The following NSF variants were observed in gnomAD, a reference collection of about 807,000 sequenced individuals.
NSF encodes the protein vesicle-fusing ATPase.
In NSF, 14 loss-of-function variants were observed where a neutral mutation model predicts 50.3. That is an observed-to-expected ratio of 0.28 (90% CI 0.18 to 0.44). The LOEUF (loss-of-function observed/expected upper bound fraction) is 0.44, where lower values mean the gene tolerates loss of function less well. Ranked by LOEUF, NSF falls within the 20% of genes least tolerant of loss-of-function variation. The pLI, the probability that NSF is intolerant of heterozygous loss-of-function variation, is 1.00. For missense variants in NSF, 218 were observed against 504.3 expected, an observed-to-expected ratio of 0.43 and a Z score of 5.44; for synonymous variants, 109 against 175.7, an observed-to-expected ratio of 0.62 and a Z score of 3.00.
intron 13 of NSF, 43 bp downstream of exon 13, chr17:46,704,897 A>G (rs1219442055): frequency 6.4e-7 from 1 of 1,566,412 alleles, no homozygotes; most frequent in South Asian, 1.2e-5. Flanking sequence ...AAAAGTAATG[A>G]TAATAATAAC....
At chr17:46,744,315 A>T (rs903750272) in intron 17 of NSF, among the ~76,000 whole-genome samples, 3 of 152,246 alleles carry the variant, frequency 2.0e-5, no homozygotes, top group Non-Finnish European at 4.4e-5. Context: ...AATGCTTAAT[A>T]TTCTGAAATA....
At chr17:46,721,185 G>A (rs79314128) in intron 15 of NSF, among the ~76,000 whole-genome samples, 2,922 of 152,266 alleles carry the variant, frequency 0.019, 60 homozygotes, top group Non-Finnish European at 0.032. Flanking sequence ...CCACACTCTG[G>A]GTTGTCTCTC....
chr17:46,720,957 A>T (rs1304832030), intron 15 of NSF, among the ~76,000 whole-genome samples: 1 of 151,904 alleles, frequency 6.6e-6, no homozygotes. Context: ...ACTTGTGTAG[A>T]CTCTGGAGCC....
chr17:46,733,796 G>T (rs1327203586), intron 17 of NSF, among the ~76,000 whole-genome samples: 1 of 152,168 alleles, frequency 6.6e-6, no homozygotes, highest in Non-Finnish European at 1.5e-5. Flanking sequence ...CCACTCCAAC[G>T]TCATAGCAGT....
intron 19 of NSF, among the ~76,000 whole-genome samples, chr17:46,752,732 A>G (rs2059193375): frequency 6.6e-6 from 1 of 152,128 alleles, no homozygotes; most frequent in Admixed American, 6.5e-5. Flanking sequence ...CTGGGATTAC[A>G]GGCATGCACC....
At chr17:46,749,560 G>A (rs2059162257) in intron 17 of NSF, among the ~76,000 whole-genome samples, 5 of 152,144 alleles carry the variant, frequency 3.3e-5, no homozygotes, top group Admixed American at 2.6e-4. Context: ...GAATGAGAAG[G>A]AGCTGTTCAC....
At chr17:46,717,245 C>T (rs1334034291) in intron 15 of NSF, among the ~76,000 whole-genome samples, 1 of 152,116 alleles carries the variant, frequency 6.6e-6, no homozygotes, top group Non-Finnish European at 1.5e-5. Flanking sequence ...AAGCCAGGCA[C>T]AGAAAGTCAA....
chr17:46,738,987 G>T (rs1282829902), intron 17 of NSF, among the ~76,000 whole-genome samples: 1 of 151,826 alleles, frequency 6.6e-6, no homozygotes, highest in Non-Finnish European at 1.5e-5. Flanking sequence ...CGTAATCCCA[G>T]CACTTTGGGA....
chr17:46,711,089 C>T lies in NSF; in HGVS notation c.1597C>T (p.Arg533Cys), dbSNP rs368386595. ...GGTGCAGCAGACTAAGAACAGTGAC[C>T]GCACACCATTGGTCAGCGTGCTTCT... ...LLVQQTKNSD[R>C]TPLVSVLLEG... Residue 533 changes from arginine to cysteine, a missense_variant, in exon 14 of 21, where the codon CGC (arginine) becomes TGC (cysteine). Physicochemically the swap from Arg to Cys is radical, Grantham distance 180. This residue lies in a region of NSF where 209 missense variants were observed against 320.9 expected (regional missense o/e 0.65). Transcript: ENST00000398238. 1 of 1,560,304 alleles carries T rather than the reference C, an allele frequency of 6.4e-7. No individual in the cohort carries two copies. Among genetic ancestry groups the T allele is most frequent in the Non-Finnish European group, 8.6e-7 (1 of 1,160,440 alleles).
intron 18 of NSF, among the ~76,000 whole-genome samples, chr17:46,750,777 A>G (rs566882758): frequency 1.1e-4 from 17 of 152,160 alleles, no homozygotes; most frequent in African/African-American, 3.1e-4. Flanking sequence ...TTAACCATTC[A>G]TAGTGGCTTT....
chr17:46,725,443 T>G (rs1304465872), intron 15 of NSF, among the ~76,000 whole-genome samples: 1 of 152,162 alleles, frequency 6.6e-6, no homozygotes, highest in East Asian at 1.9e-4. Flanking sequence ...ATTAAATATC[T>G]GGAGAAATTG....
At chr17:46,750,653 A>G (rs1287888118) in intron 18 of NSF, among the ~76,000 whole-genome samples, 2 of 152,206 alleles carry the variant, frequency 1.3e-5, no homozygotes, top group Non-Finnish European at 2.9e-5. Context: ...GGCAGCTACA[A>G]ACTGCCAGGA....
At position 46,755,369 on chromosome 17, in the gene NSF, CGTAAG is replaced by C; in HGVS notation, c.2213+1_2213+5del. 1 of 1,611,580 alleles carries C rather than the reference CGTAAG, an allele frequency of 6.2e-7. No homozygotes were observed. Among genetic ancestry groups the C allele is most frequent in the East Asian group, 2.2e-5 (1 of 44,874 alleles). ...TTGGCCCTCTTAAGAGAAGAAGGAG[CGTAAG>C]TACATACAACATTTAATGACCATCA... On this transcript the variant is annotated splice_donor_variant and splice_donor_5th_base_variant and intron_variant, in intron 20 of 20. Transcript: ENST00000398238. LOFTEE classifies it high-confidence loss of function.
At chr17:46,710,851 A>T in intron 13 of NSF, 112 bp from the exon 14 acceptor site, 1 of 883,046 alleles carries the variant, frequency 1.1e-6, no homozygotes, top group Non-Finnish European at 1.6e-6. Context: ...TTTTTATATT[A>T]ATATGGGATA....
At chr17:46,697,990 C>CTAGAGGAGATT (rs2058612935) in intron 12 of NSF, among the ~76,000 whole-genome samples, 1 of 57,210 alleles carries the variant, frequency 1.7e-5, no homozygotes, top group Non-Finnish European at 3.4e-5. Flanking sequence ...CATGCCCGGC[C>CTAGAGGAGATT]ATGCTATACT....
intron 1 of NSF, among the ~76,000 whole-genome samples, chr17:46,601,718 T>A (rs1447507037): frequency 2.0e-5 from 3 of 149,550 alleles, no homozygotes; most frequent in Non-Finnish European, 2.9e-5. Context: ...GTTTCATAAT[T>A]CTTTTTGTCC....
chr17:46,749,705 C>A, intron 17 of NSF, 68 bp from the exon 18 acceptor site: 1 of 1,411,198 alleles, frequency 7.1e-7, no homozygotes, highest in South Asian at 1.6e-5. Flanking sequence ...AAATTGTGTT[C>A]AAGCTTACTG....
At chr17:46,750,151 G>A (rs1348313658) in intron 18 of NSF, among the ~76,000 whole-genome samples, 3 of 152,144 alleles carry the variant, frequency 2.0e-5, no homozygotes, top group Non-Finnish European at 4.4e-5. Flanking sequence ...TCAGGAGTTC[G>A]AGACCAGCCT....
chr17:46,605,308 C>T (rs1218349488), intron 1 of NSF, among the ~76,000 whole-genome samples: 6 of 62,982 alleles, frequency 9.5e-5, no homozygotes, highest in African/African-American at 2.0e-4. Context: ...ATTAGCCGGG[C>T]GTGGTGGTGC....
Sources: gnomAD v4.1 joint callset for allele counts (sites outside exome capture counted in the v4.1 genomes callset) on GRCh38, gnomAD v4.1.1 for gene constraint, gnomAD v4.1.1 regional missense constraint, MANE v1.5 for transcripts, NCBI Gene and HGNC (gene_info 2026-07-23, HGNC 2026-07-21) for gene names.